Variants in MAP2K6 observed in about 807,000 individuals in gnomAD.
MAP2K6 encodes the protein mitogen-activated protein kinase kinase 6, also known as dual specificity mitogen-activated protein kinase kinase 6.
A neutral mutation model predicts 53.7 loss-of-function variants in MAP2K6; 16 were observed. The observed-to-expected ratio is 0.30, with a 90% CI of 0.20 to 0.45. The LOEUF (loss-of-function observed/expected upper bound fraction) is 0.45. Ranked by LOEUF, MAP2K6 falls within the 20% of genes least tolerant of loss-of-function variation. The pLI, the probability that MAP2K6 is intolerant of heterozygous loss-of-function variation, is 1.00. For missense variants in MAP2K6, 204 were observed against 411.9 expected, an observed-to-expected ratio of 0.50 and a Z score of 4.37; for synonymous variants, 132 against 143.1, an observed-to-expected ratio of 0.92 and a Z score of 0.55.
chr17:69,516,259 A>G (rs769623955), intron 2 of MAP2K6, among the ~76,000 whole-genome samples: 1 of 152,000 alleles, frequency 6.6e-6, no homozygotes, highest in Non-Finnish European at 1.5e-5. Context: ...GCAACAGATC[A>G]TCAGGCATTA....
chr17:69,449,494 CTTTCTTTTTTCTTTCTTTCT>C (rs1382732193), intron 1 of MAP2K6, among the ~76,000 whole-genome samples: 6 of 137,546 alleles, frequency 4.4e-5, no homozygotes, highest in Admixed American at 2.1e-4. Flanking sequence ...GTTGTCCTTT[CTTTCTTTTTTCTTTCTTTCT>C]TTGTCTTTCT....
intron 1 of MAP2K6, among the ~76,000 whole-genome samples, chr17:69,421,943 C>G (rs756367432): frequency 2.6e-5 from 4 of 151,984 alleles, no homozygotes; most frequent in Non-Finnish European, 4.4e-5. Flanking sequence ...TCCTTGACCA[C>G]CTCCACTGCC....
In MAP2K6 at chr17:69,524,140, T is replaced by A. The variant is rs570647455; in HGVS notation, c.663+499T>A. ...CTTCTGATGCCACCACATGTGCGAT[T>A]AGGTTTTAACCTGTGGATTTTGGTG... On this transcript the variant is annotated intron_variant, in intron 8 of 11. Transcript: ENST00000590474. 4.6e-5 allele frequency among the ~76,000 whole-genome samples: 7 copies of A among 152,280 alleles called. No homozygotes were observed. The South Asian group carries it at 6.2e-4, about 14-fold the overall frequency.
chr17:69,447,917 T>G (rs1483148664), intron 1 of MAP2K6, among the ~76,000 whole-genome samples: 1 of 152,186 alleles, frequency 6.6e-6, no homozygotes, highest in South Asian at 2.1e-4. Flanking sequence ...AGTGCAGAAC[T>G]GCCAGACTGT....
chr17:69,444,285 G>C (rs562570289), intron 1 of MAP2K6, among the ~76,000 whole-genome samples: 1 of 152,188 alleles, frequency 6.6e-6, no homozygotes, highest in African/African-American at 2.4e-5. Context: ...ACCTCACTGG[G>C]AGGTTTTAGG....
intron 5 of MAP2K6, 198 bp downstream of exon 5, chr17:69,519,630 C>T (rs1910361392): frequency 3.5e-6 from 2 of 567,060 alleles, no homozygotes; most frequent in South Asian, 2.6e-5. Context: ...ATGTGGTTAG[C>T]CTTTTTAAGA....
chr17:69,448,128 C>A (rs537698899), intron 1 of MAP2K6, among the ~76,000 whole-genome samples: 60 of 152,252 alleles, frequency 3.9e-4, no homozygotes, highest in African/African-American at 1.4e-3. Context: ...ATTGTTACAG[C>A]GTTTCCCTAA....
chr17:69,415,374 A>G (rs1905866688), intron 1 of MAP2K6, among the ~76,000 whole-genome samples: 2 of 152,242 alleles, frequency 1.3e-5, no homozygotes, highest in Admixed American at 1.3e-4. Context: ...AGGAATAGAA[A>G]CTTTTAAAAA....
At chr17:69,446,688 C>G (rs1280474333) in intron 1 of MAP2K6, among the ~76,000 whole-genome samples, 3 of 152,090 alleles carry the variant, frequency 2.0e-5, no homozygotes, top group African/African-American at 7.2e-5. Context: ...CACTCTAGAG[C>G]CACTCAGTCT....
intron 1 of MAP2K6, chr17:69,433,673 C>T (rs1463088353): frequency 1.3e-5 from 2 of 152,156 alleles, no homozygotes; most frequent in Non-Finnish European, 2.9e-5. Context: ...GATGTCTCTG[C>T]CAATGTTTGT....
chr17:69,419,893 G>A (rs1906022226), intron 1 of MAP2K6, among the ~76,000 whole-genome samples: 1 of 144,352 alleles, frequency 6.9e-6, no homozygotes, highest in African/African-American at 2.6e-5. Context: ...TAGCCTGGGT[G>A]ACAGAGCCAG....
At chr17:69,502,762 TCTC>T (rs1253366679) in intron 1 of MAP2K6, 15 of 922,350 alleles carry the variant, frequency 1.6e-5, no homozygotes, top group African/African-American at 1.3e-4. Context: ...TCAAAGGCCT[TCTC>T]CTCCCACTTG....
intron 1 of MAP2K6, among the ~76,000 whole-genome samples, chr17:69,479,789 C>T (rs936200457): frequency 2.6e-5 from 4 of 151,032 alleles, no homozygotes; most frequent in Admixed American, 2.6e-4. Flanking sequence ...GCGATCTCAG[C>T]TCACTGCAAC....
At chr17:69,460,706 TCCTCCCACCTCAG>T (rs1907597569) in intron 1 of MAP2K6, among the ~76,000 whole-genome samples, 1 of 152,170 alleles carries the variant, frequency 6.6e-6, no homozygotes, top group South Asian at 2.1e-4. Flanking sequence ...GCTCAAGTGA[TCCTCCCACCTCAG>T]CCTCCCAAGT....
chr17:69,528,302 T>G (rs1210753402), intron 10 of MAP2K6, among the ~76,000 whole-genome samples: 1 of 152,136 alleles, frequency 6.6e-6, no homozygotes, highest in East Asian at 1.9e-4. Context: ...TTTTTGTTTT[T>G]GGCTGGATGA....
chr17:69,436,354 T>G (rs1019032594), intron 1 of MAP2K6, among the ~76,000 whole-genome samples: 2 of 152,212 alleles, frequency 1.3e-5, no homozygotes, highest in Non-Finnish European at 1.5e-5. Context: ...TTTATAATAG[T>G]GATTGTACAG....
intron 2 of MAP2K6, 34 bp from the exon 3 acceptor site, chr17:69,516,821 T>A: frequency 6.7e-7 from 1 of 1,500,434 alleles, no homozygotes; most frequent in South Asian, 1.2e-5. Context: ...ACTCAATAGC[T>A]TATGTTTCTT....
chr17:69,449,515 TTG>T (rs759692949), intron 1 of MAP2K6, among the ~76,000 whole-genome samples: 9,445 of 140,324 alleles, frequency 0.067, 556 homozygotes, highest in East Asian at 0.31. Context: ...CTTTCTTTCT[TTG>T]TCTTTCTTTC....
chr17:69,448,843 G>A (rs982586517), intron 1 of MAP2K6, among the ~76,000 whole-genome samples: 1 of 152,104 alleles, frequency 6.6e-6, no homozygotes, highest in Non-Finnish European at 1.5e-5. Context: ...TCTGTCCTTG[G>A]GATTCATGGC....
Sources: allele counts gnomAD v4.1 joint callset (sites outside exome capture counted in the v4.1 genomes callset), GRCh38; gene constraint gnomAD v4.1.1; transcripts MANE v1.5; gene names NCBI Gene and HGNC (gene_info 2026-07-23, HGNC 2026-07-21).